Variants in XYLT1 observed in about 807,000 individuals in gnomAD.
XYLT1 encodes the protein xylosyltransferase 1.
In XYLT1, 36 loss-of-function variants were observed where a neutral mutation model predicts 91.3. The observed-to-expected ratio is 0.39, with a 90% CI of 0.30 to 0.52. The LOEUF (loss-of-function observed/expected upper bound fraction) is 0.52. XYLT1 is among the 20% of genes least tolerant of loss of function. XYLT1 has a pLI of 0.68. For missense variants in XYLT1, 1,242 were observed against 1,284.5 expected (o/e 0.97, Z 0.51); for synonymous variants, 588 against 532.0 (o/e 1.11, Z -1.45).
intron 1 of XYLT1, among the ~76,000 whole-genome samples, chr16:17,451,654 T>C (rs201612969): frequency 6.6e-6 from 1 of 152,222 alleles, no homozygotes. Flanking sequence ...TCAATGGCTG[T>C]TGCTGAGAGG....
Position 17,200,660 on chromosome 16 carries a change from GA to G in XYLT1, c.914-7del. 6.2e-7 allele frequency: 1 copy of G among 1,611,426 alleles called. No homozygotes were observed. Among genetic ancestry groups the G allele is most frequent in the Non-Finnish European group, 8.5e-7 (1 of 1,177,728 alleles). On this transcript the variant is annotated splice_region_variant and splice_polypyrimidine_tract_variant and intron_variant, in intron 3 of 11. Coordinates refer to ENST00000261381, the MANE Select transcript of XYLT1 (RefSeq NM_022166.4). Reference sequence around the variant, plus strand: ...CACGTTCTTGTTGGCTTTACCTGGGGAAAATCCAAGAGAACAGAGAGGAGAA... The same window carrying G: ...CACGTTCTTGTTGGCTTTACCTGGGGAAATCCAAGAGAACAGAGAGGAGAA...
At chr16:17,238,943 A>T (rs2033292567) in intron 3 of XYLT1, among the ~76,000 whole-genome samples, 1 of 152,220 alleles carries the variant, frequency 6.6e-6, no homozygotes, top group Non-Finnish European at 1.5e-5. Context: ...TTCTAGATGC[A>T]GTAATTTCTC....
intron 2 of XYLT1, among the ~76,000 whole-genome samples, chr16:17,265,389 A>G (rs2033789678): frequency 6.6e-6 from 1 of 152,200 alleles, no homozygotes; most frequent in South Asian, 2.1e-4. Context: ...ATTGTGATCA[A>G]CTGGCATCAT....
chr16:17,292,299 G>A (rs547851285), intron 2 of XYLT1, among the ~76,000 whole-genome samples: 19 of 152,184 alleles, frequency 1.2e-4, no homozygotes, highest in Non-Finnish European at 2.5e-4. Flanking sequence ...AATTGTCTTT[G>A]AGCTTCCTAG....
intron 11 of XYLT1, among the ~76,000 whole-genome samples, chr16:17,113,172 C>T (rs922341893): frequency 6.0e-5 from 9 of 149,366 alleles, no homozygotes; most frequent in African/African-American, 1.2e-4. Context: ...GATAGAGTCT[C>T]GCTCTGTCAC....
At chr16:17,381,044 C>CT (rs1384484177) in intron 1 of XYLT1, among the ~76,000 whole-genome samples, 1 of 152,184 alleles carries the variant, frequency 6.6e-6, no homozygotes, top group East Asian at 1.9e-4. Flanking sequence ...GTCGTTGTTT[C>CT]TTTTTTTGTT....
chr16:17,285,242 C>G (rs954527928), intron 2 of XYLT1, among the ~76,000 whole-genome samples: 1 of 152,178 alleles, frequency 6.6e-6, no homozygotes, highest in African/African-American at 2.4e-5. Flanking sequence ...GCTTGGGTGA[C>G]TAGAATCACC....
chr16:17,300,697 T>G (rs762001186), intron 2 of XYLT1, among the ~76,000 whole-genome samples: 1 of 151,924 alleles, frequency 6.6e-6, no homozygotes, highest in Admixed American at 6.6e-5. Flanking sequence ...TGGGCTCAGA[T>G]GACTGCCCAC....
chr16:17,356,432 C>G (rs567537126), intron 2 of XYLT1, among the ~76,000 whole-genome samples: 6 of 152,232 alleles, frequency 3.9e-5, no homozygotes, highest in Non-Finnish European at 7.4e-5. Flanking sequence ...CCTGGTCAGC[C>G]CTGGGGCCCC....
At chr16:17,232,429 G>GTGTGTATA (rs1194509016) in intron 3 of XYLT1, among the ~76,000 whole-genome samples, 104 of 121,720 alleles carry the variant, frequency 8.5e-4, no homozygotes, top group African/African-American at 2.4e-3. Context: ...GTGTGTGTGT[G>GTGTGTATA]TATATATATA....
intron 3 of XYLT1, among the ~76,000 whole-genome samples, chr16:17,224,268 A>T (rs1201584937): frequency 6.6e-6 from 1 of 152,244 alleles, no homozygotes; most frequent in Non-Finnish European, 1.5e-5. Context: ...AGATGGGTGA[A>T]GGTGAACCAT....
At chr16:17,391,326 A>G (rs186593434) in intron 1 of XYLT1, among the ~76,000 whole-genome samples, 2 of 152,198 alleles carry the variant, frequency 1.3e-5, no homozygotes, top group East Asian at 1.9e-4. Flanking sequence ...GAAGAGGACC[A>G]TTTTCCACCC....
At chr16:17,333,422 T>C (rs1413575994) in intron 2 of XYLT1, among the ~76,000 whole-genome samples, 4 of 152,098 alleles carry the variant, frequency 2.6e-5, no homozygotes, top group Non-Finnish European at 4.4e-5. Context: ...GCATTTCAAG[T>C]GCTCAGTAAC....
intron 1 of XYLT1, among the ~76,000 whole-genome samples, chr16:17,454,662 G>C (rs1016356042): frequency 6.6e-6 from 1 of 151,784 alleles, no homozygotes; most frequent in African/African-American, 2.4e-5. Flanking sequence ...TCAGCCACCT[G>C]AGTAGCTGGG....
rs1966751183 is a variant in XYLT1, at chr16:17,104,701, A to G, written c.*3994T>C. Reference sequence around the variant, plus strand: ...GTTGAAAAATCAGATTTTTTCCATTAAATCTGGATTTCCGGCTTCCCTTCC... The same window carrying G: ...GTTGAAAAATCAGATTTTTTCCATTGAATCTGGATTTCCGGCTTCCCTTCC... On this transcript the variant is annotated 3_prime_UTR_variant, in exon 12 of 12. Transcript: ENST00000261381. The G allele has an allele frequency of 6.6e-6, 1 of 152,214 alleles. No homozygotes were observed. The highest frequency in any genetic ancestry group is 1.5e-5 in the Non-Finnish European group (1 of 68,040). 9.4% of individuals were successfully genotyped at this position (152,214 alleles called of 1,614,324 possible).
chr16:17,459,261 A>G (rs1244117535), intron 1 of XYLT1, among the ~76,000 whole-genome samples: 1 of 151,930 alleles, frequency 6.6e-6, no homozygotes, highest in Non-Finnish European at 1.5e-5. Flanking sequence ...AGTCCCACCT[A>G]CTCAGGGGGC....
intron 2 of XYLT1, among the ~76,000 whole-genome samples, chr16:17,356,187 G>A (rs1326816792): frequency 1.3e-5 from 2 of 152,128 alleles, no homozygotes; most frequent in Non-Finnish European, 1.5e-5. Flanking sequence ...ACCACCCCCC[G>A]GTTTAGAACC....
chr16:17,329,642 CAGCCAG>C (rs1454719303), intron 2 of XYLT1, among the ~76,000 whole-genome samples: 2 of 152,162 alleles, frequency 1.3e-5, no homozygotes, highest in Non-Finnish European at 2.9e-5. Context: ...AGTAGTACTC[CAGCCAG>C]GGTAGGGAAT....
chr16:17,387,991 T>A (rs1404890044), intron 1 of XYLT1, among the ~76,000 whole-genome samples: 1 of 152,180 alleles, frequency 6.6e-6, no homozygotes, highest in Non-Finnish European at 1.5e-5. Context: ...TGACTTATAA[T>A]GGGTTAGATC....
Sources: allele counts gnomAD v4.1 joint callset (sites outside exome capture counted in the v4.1 genomes callset), GRCh38; gene constraint gnomAD v4.1.1; transcripts MANE v1.5; gene names NCBI Gene and HGNC (gene_info 2026-07-23, HGNC 2026-07-21).